UTP4: variants seen among roughly 807,000 people sequenced by gnomAD.
UTP4 encodes the protein UTP4 small subunit processome component.
A neutral mutation model predicts 82.4 loss-of-function variants in UTP4; 45 were observed. That is an observed-to-expected ratio of 0.55 (90% CI 0.43 to 0.70). The LOEUF (loss-of-function observed/expected upper bound fraction) is 0.70, where lower values mean the gene tolerates loss of function less well. Ranked by LOEUF, UTP4 falls within the 30% of genes least tolerant of loss-of-function variation. The probability of loss-of-function intolerance (pLI) is 0.00; values close to 1 mark genes in which losing one functional copy is unlikely to be tolerated. For synonymous variants in UTP4, 348 were observed against 300.3 expected (o/e 1.16, Z -1.64); for missense variants, 819 against 858.3 (o/e 0.95, Z 0.57).
chr16:69,166,981 A>G (rs1396012996), intron 15 of UTP4, 94 bp from the exon 16 acceptor site: 2 of 833,316 alleles, frequency 2.4e-6, no homozygotes, highest in Non-Finnish European at 4.2e-6. Flanking sequence ...TGATGGTTAG[A>G]AGATGATGTT....
intron 6 of UTP4, among the ~76,000 whole-genome samples, chr16:69,147,675 G>A (rs1963154254): frequency 6.6e-6 from 1 of 151,998 alleles, no homozygotes; most frequent in Admixed American, 6.6e-5. Context: ...CTTGGGGATG[G>A]GACCCCAGCC....
chr16:69,165,204 A>G, intron 14 of UTP4, 137 bp from the exon 15 acceptor site: 1 of 747,324 alleles, frequency 1.3e-6, no homozygotes, highest in Non-Finnish European at 2.2e-6. Context: ...CAAAAAAAAA[A>G]AAAAGTGTTG....
At position 69,154,445 on chromosome 16, in the gene UTP4, C is replaced by T. The variant is rs571924487; in HGVS notation, c.1152C>T (p.His384=). Residue 384 remains histidine, a synonymous_variant, in exon 10 of 17, where the codon CAC becomes CAT. Coordinates refer to ENST00000314423, the MANE Select transcript of UTP4 (RefSeq NM_032830.3). The part of the protein sequence containing the change: ...PLSKNADHLL[H]LKTKGPENII... The stretch of plus-strand genomic sequence containing the variant: ...CTAAAAATGCAGATCATTTACTGCA[C>T]CTAAAGACAAAGGTAAGGAAGTTTG... The T allele has an allele frequency of 4.2e-5, 68 of 1,611,288 alleles. 1 individual carries two copies. In the South Asian group the frequency reaches 7.3e-4, roughly 17 times the overall value.
In UTP4 at chr16:69,133,762, C is replaced by A; in HGVS notation, c.159+144C>A. 3.8e-6 allele frequency: 3 copies of A among 781,946 alleles called. No homozygotes were observed. The Admixed American group carries it at 6.2e-5, about 16-fold the overall frequency. The allele number at this position is 781,946 out of a possible 1,614,324, so 48.4% of individuals were successfully genotyped here. A position where few individuals can be genotyped will look rare whatever the true frequency, so the allele number is the denominator to read the frequency against. ...CTTAGAACTACCAAACTTCTGAGATCTCCTAACTGATAAGAGAAGCTCAGT... is the reference window on the plus strand; with the variant it reads ...CTTAGAACTACCAAACTTCTGAGATATCCTAACTGATAAGAGAAGCTCAGT... On this transcript the variant is annotated intron_variant, in intron 2 of 16. Transcript: ENST00000314423.
Position 69,157,318 on chromosome 16 carries a change from G to T in UTP4, c.1444+78G>T, listed in dbSNP as rs756814374. The stretch of plus-strand genomic sequence containing the variant: ...TTTTTTGCTTTTAAGCCTCCATGTC[G>T]GGGGTTCCCTCATGTTCCTCCTACC... On this transcript the variant is annotated intron_variant, in intron 12 of 16. Transcript: ENST00000314423. 1.1e-5 allele frequency: 16 copies of T among 1,451,170 alleles called. No homozygotes were observed. The South Asian group carries it at 1.7e-4, about 15-fold the overall frequency. The allele number at this position is 1,451,170 out of a possible 1,614,324, so 89.9% of individuals were successfully genotyped here.
chr16:69,149,028 C>T (rs1009617996), intron 6 of UTP4, among the ~76,000 whole-genome samples: 14 of 151,476 alleles, frequency 9.2e-5, no homozygotes, highest in African/African-American at 3.4e-4. Flanking sequence ...GGCGGATCAC[C>T]TGAGGTCAGG....
Position 69,154,405 on chromosome 16 carries a change from A to T in UTP4, c.1112A>T (p.Asp371Val). ...TTTCTTGTTTCAGGCAAGAATGGGGATACTCTTCCACTCTCTAAAAATGCA... is the reference window on the plus strand; with the variant it reads ...TTTCTTGTTTCAGGCAAGAATGGGGTTACTCTTCCACTCTCTAAAAATGCA... ...GSTVATGKNG[D>V]TLPLSKNADH... The change falls in exon 10 of 17, where the codon GAT (aspartate) becomes GTT (valine). Residue 371 changes from aspartate (D) to valine (V), a missense_variant. Transcript: ENST00000314423. 1 of 1,611,514 alleles carries T rather than the reference A, an allele frequency of 6.2e-7. No homozygotes were observed. Among genetic ancestry groups the T allele is most frequent in the Non-Finnish European group, 8.5e-7 (1 of 1,177,746 alleles).
At chr16:69,166,156 G>C (rs1162806566) in intron 15 of UTP4, 1 of 169,284 alleles carries the variant, frequency 5.9e-6, no homozygotes, top group Non-Finnish European at 1.3e-5. Context: ...TGGCTTTTCT[G>C]GGCAGGTGCT....
At chr16:69,136,083 C>G (rs1962805578) in intron 2 of UTP4, among the ~76,000 whole-genome samples, 1 of 152,214 alleles carries the variant, frequency 6.6e-6, no homozygotes, top group Admixed American at 6.5e-5. Flanking sequence ...GTAAGGAGAC[C>G]TTCATTTGCC....
At chr16:69,138,762 C>T (rs1397394198) in intron 4 of UTP4, among the ~76,000 whole-genome samples, 3 of 152,186 alleles carry the variant, frequency 2.0e-5, no homozygotes, top group African/African-American at 4.8e-5. Flanking sequence ...CAGCCATAGA[C>T]GATACTGAAA....
intron 15 of UTP4, chr16:69,166,542 A>C (rs1472847753): frequency 6.5e-6 from 1 of 153,760 alleles, no homozygotes; most frequent in Non-Finnish European, 1.4e-5. Flanking sequence ...ACAAAATATC[A>C]TTTCTTTGGC....
chr16:69,162,890 CAAAAA>C (rs1012200238), intron 13 of UTP4, among the ~76,000 whole-genome samples, 188 bp from the exon 14 acceptor site: 7 of 101,006 alleles, frequency 6.9e-5, no homozygotes, highest in East Asian at 2.8e-4. Context: ...AACTCCATCT[CAAAAA>C]AAAAAAAAAG....
Position 69,150,635 on chromosome 16 carries a change from G to A in UTP4, c.837G>A (p.Arg279=). ...TSNSSEKQWV[R]TKPFQHHTHD... ...ACAGCAGTGAGAAGCAGTGGGTGCG[G>A]ACAAAACCGTTCCAGCATCACACTC... is the stretch of plus-strand genomic sequence containing the variant. The change falls in exon 7 of 17, where the codon CGG becomes CGA. Residue 279 remains arginine, a synonymous_variant. Transcript: ENST00000314423. The A allele has an allele frequency of 6.2e-7, 1 of 1,614,220 alleles. No individual in the cohort carries two copies. Among genetic ancestry groups the A allele is most frequent in the Non-Finnish European group, 8.5e-7 (1 of 1,180,050 alleles).
rs369580614 is a variant in UTP4 at position 69,167,181 on chromosome 16, A to T, written c.1940A>T (p.Tyr647Phe). The change falls in exon 16 of 17, where the codon TAT becomes TTT. Residue 647 changes from tyrosine to phenylalanine, a missense_variant. Physicochemically the swap from Tyr to Phe is conservative, Grantham distance 22 (BLOSUM62 3). Coordinates refer to ENST00000314423, the MANE Select transcript of UTP4 (RefSeq NM_032830.3). ...TAHAFKISKIYKPLLFMDLLD... is the reference protein window; with the variant it reads ...TAHAFKISKIFKPLLFMDLLD... ...CATGCTTTTAAAATTTCTAAGATAT[A>T]TAAGGTAAAACATCTTGTGTTGTTA... is the stretch of plus-strand genomic sequence containing the variant. The T allele has an allele frequency of 9.5e-6, 15 of 1,585,636 alleles. No individual in the cohort carries two copies. Among genetic ancestry groups the T allele is most frequent in the Non-Finnish European group, 1.3e-5 (15 of 1,154,148 alleles).
intron 6 of UTP4, among the ~76,000 whole-genome samples, chr16:69,144,498 T>C (rs1963055833): frequency 6.6e-6 from 1 of 152,214 alleles, no homozygotes; most frequent in African/African-American, 2.4e-5. Flanking sequence ...TATTATTTTC[T>C]ATGACGTAAA....
intron 13 of UTP4, 31 bp downstream of exon 13, chr16:69,160,493 A>T: frequency 6.5e-7 from 1 of 1,541,958 alleles, no homozygotes; most frequent in Non-Finnish European, 9.0e-7. Flanking sequence ...CAGCAGTTTG[A>T]ATCATTGTAC....
intron 6 of UTP4, among the ~76,000 whole-genome samples, chr16:69,149,610 C>T (rs1177157651): frequency 6.6e-6 from 1 of 152,158 alleles, no homozygotes; most frequent in African/African-American, 2.4e-5. Context: ...GCAGACTGGT[C>T]TCCAACTTCT....
In UTP4 at chr16:69,161,668, A is replaced by G. The variant is rs368402108; in HGVS notation, c.1551+1206A>G. On this transcript the variant is annotated intron_variant, in intron 13 of 16. Transcript: ENST00000314423. ...TGTTAGTTTTGTACGCGGTTAAATA[A>G]GCTTTTTATTTTTTTGAGACAGGGT... Among the ~76,000 whole-genome samples, 97 of 152,246 alleles carry G rather than the reference A, an allele frequency of 6.4e-4. No individual in the cohort carries two copies. The South Asian group carries it at 0.018, about 28-fold the overall frequency.
rs967761289 is a variant in UTP4, at chr16:69,153,857, T to C, written c.1099+177T>C. ...AAGCTGTTTAGAGTATTAGAATCTT[T>C]AGCAGGATATTGGATCATCTCTTAA... On this transcript the variant is annotated intron_variant, in intron 9 of 16. Transcript: ENST00000314423. 11 of 652,498 alleles carry C rather than the reference T, an allele frequency of 1.7e-5. No individual in the cohort carries two copies. In the South Asian group the frequency reaches 2.0e-4, roughly 12 times the overall value. 40.4% of individuals were successfully genotyped at this position (652,498 alleles called of 1,614,324 possible). A position where few individuals can be genotyped will look rare whatever the true frequency, so the allele number is the denominator to read the frequency against.
Sources: gnomAD v4.1 joint callset for allele counts (sites outside exome capture counted in the v4.1 genomes callset) on GRCh38, gnomAD v4.1.1 for gene constraint, MANE v1.5 for transcripts, NCBI Gene and HGNC (gene_info 2026-07-23, HGNC 2026-07-21) for gene names.